RANBP2: variants seen among roughly 807,000 people sequenced by gnomAD.
The protein encoded by RANBP2 is E3 SUMO-protein ligase RanBP2.
A neutral mutation model predicts 303.6 loss-of-function variants in RANBP2; 57 were observed. That is an observed-to-expected ratio of 0.19 (90% CI 0.15 to 0.23). The LOEUF (loss-of-function observed/expected upper bound fraction) is 0.23, where lower values mean the gene tolerates loss of function less well. Among genes scored for constraint, RANBP2 ranks in the 10% least tolerant of loss-of-function variants. The pLI, the probability that RANBP2 is intolerant of heterozygous loss-of-function variation, is 1.00. For missense variants in RANBP2, 3,138 were observed against 3,780.8 expected (o/e 0.83, Z 4.46); for synonymous variants, 1,167 against 1,301.5 (o/e 0.90, Z 2.23).
At chr2:109,129,086 C>CT in the RANBP2 span, 3 of 365,296 alleles carry the variant, frequency 8.2e-6, no homozygotes, top group Non-Finnish European at 1.6e-5. Context: ...GGGGGCGGTG[C>CT]GGCTCGCCAG....
chr2:109,394,698 C>T, the RANBP2 span, among the ~76,000 whole-genome samples: 1 of 152,178 alleles, frequency 6.6e-6, no homozygotes, highest in African/African-American at 2.4e-5. Context: ...ACCTGATAAA[C>T]AAGGTGACGC....
At chr2:109,258,771 G>T in the RANBP2 span, among the ~76,000 whole-genome samples, 1 of 152,226 alleles carries the variant, frequency 6.6e-6, no homozygotes. Flanking sequence ...GGCCTGCACT[G>T]CTGTTGTCCT....
the RANBP2 span, among the ~76,000 whole-genome samples, chr2:109,050,261 CTT>C: frequency 6.8e-6 from 1 of 147,288 alleles, no homozygotes; most frequent in Non-Finnish European, 1.5e-5. Context: ...TTTCTTTTTA[CTT>C]TTTTTTTTTA....
At chr2:109,006,047 G>A in the RANBP2 span, among the ~76,000 whole-genome samples, 2 of 152,144 alleles carry the variant, frequency 1.3e-5, no homozygotes, top group African/African-American at 2.4e-5. Context: ...TGTTGCTTCC[G>A]TGGGTTCCAT....
At chr2:108,729,289 T>C in intron 2 of RANBP2, 90 bp downstream of exon 2, 1 of 1,325,480 alleles carries the variant, frequency 7.5e-7, no homozygotes, top group South Asian at 1.3e-5. Context: ...ATGTTCTTAG[T>C]AGTTCTTCCT....
the RANBP2 span, among the ~76,000 whole-genome samples, chr2:109,693,725 G>A: frequency 2.6e-5 from 4 of 152,184 alleles, no homozygotes; most frequent in South Asian, 6.2e-4. Flanking sequence ...TGTCTTTATC[G>A]GCAGCACGAA....
chr2:109,081,265 C>A, the RANBP2 span, among the ~76,000 whole-genome samples: 1 of 152,196 alleles, frequency 6.6e-6, no homozygotes, highest in African/African-American at 2.4e-5. Context: ...ATTGGCTCCA[C>A]ATCATTTCCT....
the RANBP2 span, among the ~76,000 whole-genome samples, chr2:109,449,716 A>G: frequency 6.6e-6 from 1 of 152,270 alleles, no homozygotes. Context: ...ATGCAAGTCC[A>G]GCTACATTTC....
chr2:109,064,195 C>T, the RANBP2 span, among the ~76,000 whole-genome samples: 2 of 151,898 alleles, frequency 1.3e-5, no homozygotes, highest in African/African-American at 2.4e-5. Flanking sequence ...GCAGGCCGGG[C>T]GGGGTGGCTC....
At chr2:109,449,075 A>G in the RANBP2 span, 1 of 1,427,334 alleles carries the variant, frequency 7.0e-7, no homozygotes, top group South Asian at 1.4e-5. Context: ...TGAGTGCTCG[A>G]GAAGGGAGCC....
At chr2:109,550,000 C>T in the RANBP2 span, among the ~76,000 whole-genome samples, 2 of 152,032 alleles carry the variant, frequency 1.3e-5, no homozygotes, top group Non-Finnish European at 1.5e-5. Flanking sequence ...TTTAAGGACA[C>T]GACACATTCT....
chr2:109,072,405 T>C, the RANBP2 span, among the ~76,000 whole-genome samples: 1 of 152,186 alleles, frequency 6.6e-6, no homozygotes, highest in Non-Finnish European at 1.5e-5. Context: ...GCCCTCACCA[T>C]GGAGTCCTGG....
At chr2:109,478,023 G>C in the RANBP2 span, among the ~76,000 whole-genome samples, 15 of 152,226 alleles carry the variant, frequency 9.9e-5, no homozygotes, top group Admixed American at 4.6e-4. Context: ...TTACTGGAAT[G>C]ATTAGAAAGC....
At chr2:109,416,634 C>G in the RANBP2 span, among the ~76,000 whole-genome samples, 3 of 152,032 alleles carry the variant, frequency 2.0e-5, no homozygotes, top group East Asian at 5.9e-4. Flanking sequence ...CTGCCCGCCT[C>G]AGCCTCCCAA....
At chr2:109,432,842 T>C in the RANBP2 span, among the ~76,000 whole-genome samples, 2 of 152,282 alleles carry the variant, frequency 1.3e-5, no homozygotes, top group South Asian at 4.1e-4. Context: ...TTTCACCTTC[T>C]GAGCTGGGTT....
the RANBP2 span, among the ~76,000 whole-genome samples, chr2:109,339,283 G>A: frequency 6.6e-6 from 1 of 152,036 alleles, no homozygotes; most frequent in Admixed American, 6.5e-5. Flanking sequence ...TGTTTTTTGG[G>A]GGGGTGGGGG....
the RANBP2 span, among the ~76,000 whole-genome samples, chr2:108,919,035 C>T: frequency 6.6e-6 from 1 of 152,100 alleles, no homozygotes; most frequent in African/African-American, 2.4e-5. Context: ...CACTGGGACC[C>T]GCTGTGTCAG....
the RANBP2 span, among the ~76,000 whole-genome samples, chr2:109,346,505 G>A: frequency 1.3e-5 from 2 of 152,146 alleles, no homozygotes; most frequent in African/African-American, 2.4e-5. Context: ...CCCGAACAAT[G>A]CAAAGCTTTC....
At chr2:109,096,587 A>G in the RANBP2 span, among the ~76,000 whole-genome samples, 1 of 152,220 alleles carries the variant, frequency 6.6e-6, no homozygotes, top group Admixed American at 6.5e-5. Context: ...GGAGATTATG[A>G]CATTAGAATA....
Sources: gnomAD v4.1 joint callset for allele counts (sites outside exome capture counted in the v4.1 genomes callset) on GRCh38, gnomAD v4.1.1 for gene constraint, MANE v1.5 for transcripts, NCBI Gene and HGNC (gene_info 2026-07-23, HGNC 2026-07-21) for gene names.